The following WDR48 variants were observed in gnomAD, a reference collection of about 807,000 sequenced individuals.
The protein encoded by WDR48 is WD repeat domain 48.
In WDR48, 22 loss-of-function variants were observed where a neutral mutation model predicts 94.0. That is an observed-to-expected ratio of 0.23 (90% CI 0.17 to 0.33). The LOEUF is 0.33. Ranked by LOEUF, WDR48 falls within the 10% of genes least tolerant of loss-of-function variation. The probability of loss-of-function intolerance (pLI) is 1.00; values close to 1 mark genes in which losing one functional copy is unlikely to be tolerated. For missense variants in WDR48, 541 were observed against 813.8 expected (o/e 0.66, Z 4.08); for synonymous variants, 278 against 280.5 (o/e 0.99, Z 0.09).
intron 13 of WDR48, 23 bp from the exon 14 acceptor site, chr3:39,085,492 C>T (rs1268287873): frequency 2.5e-6 from 4 of 1,586,922 alleles, no homozygotes; most frequent in Admixed American, 1.7e-5. Flanking sequence ...CATTTTATCT[C>T]TTTTTAATTA....
intron 14 of WDR48, 69 bp downstream of exon 14, chr3:39,085,679 G>C: frequency 7.5e-7 from 1 of 1,327,280 alleles, no homozygotes; most frequent in Non-Finnish European, 1.1e-6. Flanking sequence ...CTTACTAAAA[G>C]GTACTTACTT....
chr3:39,060,928 C>T (rs1252809124), intron 1 of WDR48, among the ~76,000 whole-genome samples: 1 of 152,170 alleles, frequency 6.6e-6, no homozygotes, highest in Non-Finnish European at 1.5e-5. Flanking sequence ...GATCGGGCCA[C>T]TGCTTTCCAG....
intron 1 of WDR48, among the ~76,000 whole-genome samples, chr3:39,061,148 G>A (rs1480960444): frequency 6.6e-6 from 1 of 151,944 alleles, no homozygotes; most frequent in African/African-American, 2.4e-5. Context: ...TGTGCACAAC[G>A]TGCAGGTTTG....
In WDR48 at chr3:39,096,344, G is replaced by A. The variant is rs1181964926; in HGVS notation, c.*1601G>A. 1 of 151,822 alleles carries A rather than the reference G, an allele frequency of 6.6e-6. No homozygotes were observed. The highest frequency in any genetic ancestry group is 2.4e-5 in the African/African-American group (1 of 41,226). The allele number at this position is 151,822 out of a possible 1,614,324, so 9.4% of individuals were successfully genotyped here. On this transcript the variant is annotated 3_prime_UTR_variant, in exon 19 of 19. Transcript: ENST00000302313. ...CTTTCTATCTGTTGGATACAACAGT[G>A]TGCTTTTGGTGCACATTTTTTAGCA...
chr3:39,067,826 T>C (rs1186112318), intron 5 of WDR48, among the ~76,000 whole-genome samples: 1 of 152,204 alleles, frequency 6.6e-6, no homozygotes, highest in Non-Finnish European at 1.5e-5. Context: ...CCAGGAAATA[T>C]GTGAAGGTCT....
rs1173157954 is a variant in WDR48, at chr3:39,088,135, G to T, written c.1482G>T (p.Gly494=). 1.9e-6 allele frequency: 3 copies of T among 1,614,044 alleles called. No individual in the cohort carries two copies. In the South Asian group the frequency reaches 3.3e-5, roughly 18 times the overall value. The change falls in exon 15 of 19, where the codon GGG becomes GGT. Residue 494 remains glycine, a synonymous_variant. Coordinates refer to ENST00000302313, the MANE Select transcript of WDR48 (RefSeq NM_020839.4). ...ACCTGCATCTTTTCCTAGTAAATGG[G>T]GAGCAGGAGAACCGAGTGCAGAAGG... ...EEENEVNHVN[G]EQENRVQKGN...
chr3:39,085,735 C>T, intron 14 of WDR48, 125 bp downstream of exon 14: 2 of 753,098 alleles, frequency 2.7e-6, no homozygotes, highest in Non-Finnish European at 4.3e-6. Flanking sequence ...TTATTGTCCT[C>T]TCTTCCATAT....
chr3:39,054,868 A>G (rs1266178790), intron 1 of WDR48, among the ~76,000 whole-genome samples: 2 of 152,240 alleles, frequency 1.3e-5, no homozygotes, highest in Non-Finnish European at 2.9e-5. Context: ...TCCCATTTCC[A>G]CAAAGGAAAT....
intron 8 of WDR48, 91 bp downstream of exon 8, chr3:39,075,041 A>C (rs551888994): frequency 2.3e-6 from 3 of 1,297,610 alleles, no homozygotes; most frequent in African/African-American, 3.0e-5. Flanking sequence ...ACATGACTCA[A>C]CTGCAGGGTT....
chr3:39,084,052 C>G (rs6777201), intron 11 of WDR48, 103 bp from the exon 12 acceptor site: 4 of 745,050 alleles, frequency 5.4e-6, no homozygotes, highest in Non-Finnish European at 8.4e-6. Flanking sequence ...TAGACTGTTT[C>G]ACTTAGACAC....
rs2035312527 is a variant in WDR48, at chr3:39,095,970, G to A, written c.*1227G>A. On this transcript the variant is annotated 3_prime_UTR_variant, in exon 19 of 19. Coordinates refer to ENST00000302313, the MANE Select transcript of WDR48 (RefSeq NM_020839.4). ...GCCAGAAGCACAAGTGCCTTCAGAG[G>A]GCAGTTGATTCCAGTCCAGTTGCCT... The A allele has an allele frequency of 6.5e-6, 1 of 152,746 alleles. No homozygotes were observed. The highest frequency in any genetic ancestry group is 2.1e-4 in the South Asian group (1 of 4,828). 9.5% of individuals were successfully genotyped at this position (152,746 alleles called of 1,614,324 possible). A position where few individuals can be genotyped will look rare whatever the true frequency, so the allele number is the denominator to read the frequency against.
intron 8 of WDR48, 78 bp from the exon 9 acceptor site, chr3:39,077,061 T>A: frequency 1.3e-6 from 2 of 1,505,700 alleles, no homozygotes; most frequent in Non-Finnish European, 9.2e-7. Flanking sequence ...AAGGAGTTGA[T>A]ATTAATAACA....
At chr3:39,092,231 G>A (rs73826205) in intron 17 of WDR48, among the ~76,000 whole-genome samples, 29 of 152,256 alleles carry the variant, frequency 1.9e-4, no homozygotes, top group African/African-American at 6.5e-4. Context: ...CACAGTTTAG[G>A]ACCCAACCTG....
At chr3:39,093,237 T>A (rs1182729231) in intron 17 of WDR48, among the ~76,000 whole-genome samples, 1 of 152,176 alleles carries the variant, frequency 6.6e-6, no homozygotes, top group East Asian at 1.9e-4. Flanking sequence ...AATTGAGCAC[T>A]AAGAGTGTCG....
intron 14 of WDR48, among the ~76,000 whole-genome samples, chr3:39,086,990 G>T (rs1462403530): frequency 6.6e-6 from 1 of 152,094 alleles, no homozygotes; most frequent in East Asian, 1.9e-4. Flanking sequence ...ACTATTCAGG[G>T]GCCCTTACCA....
chr3:39,086,005 C>T (rs1455681423), intron 14 of WDR48, among the ~76,000 whole-genome samples: 3 of 152,196 alleles, frequency 2.0e-5, no homozygotes, highest in Admixed American at 1.3e-4. Flanking sequence ...CATAGTCACT[C>T]TTCATGTTGG....
In WDR48 at chr3:39,084,638, T is replaced by C; in HGVS notation, c.1282-7T>C. 2 of 1,611,828 alleles carry C rather than the reference T, an allele frequency of 1.2e-6. No homozygotes were observed. Among genetic ancestry groups the C allele is most frequent in the Non-Finnish European group, 1.7e-6 (2 of 1,179,190 alleles). On this transcript the variant is annotated splice_region_variant and splice_polypyrimidine_tract_variant and intron_variant, in intron 12 of 18. Transcript: ENST00000302313. ...ATGGGATGCCACTAAGTTTTTTCTTTTGATAGATGTTAACTATTACTTTGG... is the reference window on the plus strand; with the variant it reads ...ATGGGATGCCACTAAGTTTTTTCTTCTGATAGATGTTAACTATTACTTTGG...
At position 39,056,205 on chromosome 3, in the gene WDR48, TC is replaced by T. The variant is rs767505348; in HGVS notation, c.48+4134del. Among the ~76,000 whole-genome samples the T allele has an allele frequency of 4.6e-5, 7 of 152,346 alleles. No individual in the cohort carries two copies. The East Asian group carries it at 9.6e-4, about 21-fold the overall frequency. ...TTGAAGATATTGCTTTGATTTTTTTTCCATCATACTATAATTTGCTTTGAAA... is the reference window on the plus strand; with the variant it reads ...TTGAAGATATTGCTTTGATTTTTTTTCATCATACTATAATTTGCTTTGAAA... On this transcript the variant is annotated intron_variant, in intron 1 of 18. Transcript: ENST00000302313.
At chr3:39,085,371 A>C in intron 13 of WDR48, 144 bp from the exon 14 acceptor site, 1 of 687,372 alleles carries the variant, frequency 1.5e-6, no homozygotes, top group Non-Finnish European at 2.5e-6. Flanking sequence ...AAATGACTAA[A>C]GTCTTTATTT....
Sources: gnomAD v4.1 joint callset for allele counts (sites outside exome capture counted in the v4.1 genomes callset) on GRCh38, gnomAD v4.1.1 for gene constraint, MANE v1.5 for transcripts, NCBI Gene and HGNC (gene_info 2026-07-23, HGNC 2026-07-21) for gene names.